The following ABCA10 variants were observed in gnomAD, a reference collection of about 807,000 sequenced individuals.
ABCA10 encodes the protein ATP binding cassette subfamily A member 10.
A neutral mutation model predicts 187.5 loss-of-function variants in ABCA10; 169 were observed. That is an observed-to-expected ratio of 0.90 (90% CI 0.80 to 1.02). ABCA10 has a LOEUF of 1.02. Among genes scored for constraint, ABCA10 ranks in the 50% least tolerant of loss-of-function variants. The probability of loss-of-function intolerance (pLI) is 0.00; values close to 1 mark genes in which losing one functional copy is unlikely to be tolerated. For missense variants in ABCA10, 1,727 were observed against 1,812.4 expected (o/e 0.95, Z 0.86); for synonymous variants, 574 against 601.8 (o/e 0.95, Z 0.68).
chr17:69,152,429 T>A lies in ABCA10; in HGVS notation c.4189A>T (p.Thr1397Ser). ...KNKERGTLLT[T>S]HYMSEAEAVC... ...GCCTCAGCCTCTGACATGTAATGGGTGGTCAAGAGGGTGCCCCTCTCCTTG... is the reference window on the plus strand; with the variant it reads ...GCCTCAGCCTCTGACATGTAATGGGAGGTCAAGAGGGTGCCCCTCTCCTTG... The change falls in exon 35 of 39, where the codon ACC becomes TCC. Residue 1397 changes from threonine to serine, a missense_variant. Coordinates refer to ENST00000690296, the MANE Select transcript of ABCA10 (RefSeq NM_001377321.1). The A allele has an allele frequency of 6.2e-7, 1 of 1,613,908 alleles. No individual in the cohort carries two copies. The highest frequency in any genetic ancestry group is 8.5e-7 in the Non-Finnish European group (1 of 1,179,900).
chr17:69,153,949 A>G lies in ABCA10; in HGVS notation c.3847T>C (p.Leu1283=). The G allele has an allele frequency of 6.2e-7, 1 of 1,614,092 alleles. No individual in the cohort carries two copies. The highest frequency in any genetic ancestry group is 8.5e-7 in the Non-Finnish European group (1 of 1,179,988). The change falls in exon 32 of 39, where the codon TTG becomes CTG. Residue 1283 remains leucine (L), a synonymous_variant. Coordinates refer to ENST00000690296, the MANE Select transcript of ABCA10 (RefSeq NM_001377321.1). ...GAGTTCTCCTGAGGGCAGTACCCCA[A>G]GAACTTGAGGCTGTTGTCATGCTGT... ...RQQHDNSLKF[L]GYCPQENSLW...
At chr17:69,180,225 C>T (rs749832133) in intron 22 of ABCA10, among the ~76,000 whole-genome samples, 1 of 152,160 alleles carries the variant, frequency 6.6e-6, no homozygotes, top group Non-Finnish European at 1.5e-5. Flanking sequence ...AAAGCTGTGC[C>T]ATAATGGTAA....
At position 69,174,378 on chromosome 17, in the gene ABCA10, C is replaced by T. The variant is rs148025226; in HGVS notation, c.3065G>A (p.Gly1022Asp). 264 of 1,595,198 alleles carry T rather than the reference C, an allele frequency of 1.7e-4. No homozygotes were observed. In the African/African-American group the frequency reaches 3.2e-3, roughly 19 times the overall value. The change falls in exon 25 of 39, where the codon GGT becomes GAT. Residue 1022 changes from glycine to aspartate, a missense_variant. Transcript: ENST00000690296. ...GAGGAATATAAGAGAAACTGCACAA[C>T]CAATTATGCATACCACCTGCAAATA... Reference protein sequence around the residue: ...LMFVLVVCIIGCAVSLIFLTY... With the variant: ...LMFVLVVCIIDCAVSLIFLTY...
At position 69,219,779 on chromosome 17, in the gene ABCA10, G is replaced by T; in HGVS notation, c.304-8C>A. ...AGAATGATTTGTTGTGACCTAAATT[G>T]GGACATTAGCAAATTTATTATGTGA... On this transcript the variant is annotated splice_region_variant and splice_polypyrimidine_tract_variant and intron_variant, in intron 5 of 38. Transcript: ENST00000690296. The T allele has an allele frequency of 6.6e-7, 1 of 1,519,606 alleles. No homozygotes were observed. The highest frequency in any genetic ancestry group is 8.9e-7 in the Non-Finnish European group (1 of 1,128,128). The allele number at this position is 1,519,606 out of a possible 1,614,324, so 94.1% of individuals were successfully genotyped here.
At chr17:69,230,927 T>C (rs907083411), upstream of ABCA10, among the ~76,000 whole-genome samples, 1 of 152,158 alleles carries the variant, frequency 6.6e-6, no homozygotes, top group East Asian at 1.9e-4. Context: ...CAATTACATA[T>C]GAGAAAATAT....
upstream of ABCA10, chr17:69,233,293 C>A (rs189150105): frequency 6.6e-6 from 1 of 152,154 alleles, no homozygotes; most frequent in Non-Finnish European, 1.5e-5. Flanking sequence ...TTCCAAACAG[C>A]CTGTCTTTGA....
chr17:69,241,506 T>C (rs1485589007), intron 1 of ABCA10, among the ~76,000 whole-genome samples: 1 of 152,200 alleles, frequency 6.6e-6, no homozygotes, highest in African/African-American at 2.4e-5. Context: ...CAATAAAATG[T>C]CCATAAGGGC....
intron 36 of ABCA10, among the ~76,000 whole-genome samples, chr17:69,150,670 G>A (rs1361059614): frequency 6.6e-6 from 1 of 152,092 alleles, no homozygotes; most frequent in Non-Finnish European, 1.5e-5. Context: ...CTCTAGGCCT[G>A]CACTGCTTAA....
chr17:69,154,057 T>A, intron 31 of ABCA10, 48 bp from the exon 32 acceptor site: 3 of 1,589,580 alleles, frequency 1.9e-6, no homozygotes, highest in Non-Finnish European at 2.6e-6. Context: ...TTTGCTCCAA[T>A]CCCCCTTCTA....
intron 27 of ABCA10, among the ~76,000 whole-genome samples, chr17:69,158,686 A>G (rs2074193014): frequency 6.6e-6 from 1 of 152,090 alleles, no homozygotes; most frequent in Admixed American, 6.5e-5. Flanking sequence ...CTGGCACTTG[A>G]CTGCATTCTA....
In ABCA10 at chr17:69,150,147, T is replaced by C. The variant is rs189264286; in HGVS notation, c.4398-84A>G. ...AATTAATAGGCAAAGTAAAATAATT[T>C]TTCAATGTGTTCTTTAAATAAGTGT... On this transcript the variant is annotated intron_variant, in intron 36 of 38. Coordinates refer to ENST00000690296, the MANE Select transcript of ABCA10 (RefSeq NM_001377321.1). 3,706 of 935,162 alleles carry C rather than the reference T, an allele frequency of 4.0e-3. 14 individuals carry two copies. Among genetic ancestry groups the C allele is most frequent in the Non-Finnish European group, 5.6e-3 (3,378 of 606,060 alleles). The allele number at this position is 935,162 out of a possible 1,614,324, so 57.9% of individuals were successfully genotyped here.
intron 28 of ABCA10, 40 bp from the exon 29 acceptor site, chr17:69,155,965 C>T: frequency 6.3e-7 from 1 of 1,583,998 alleles, no homozygotes; most frequent in Non-Finnish European, 8.6e-7. Flanking sequence ...GCAATTTTGG[C>T]TGTACAACTG....
At chr17:69,157,629 G>A (rs1396687869) in intron 27 of ABCA10, among the ~76,000 whole-genome samples, 1 of 152,136 alleles carries the variant, frequency 6.6e-6, no homozygotes, top group Non-Finnish European at 1.5e-5. Flanking sequence ...CTGTGAACTT[G>A]ACAGAAGCAA....
chr17:69,152,549 G>C lies in ABCA10; in HGVS notation c.4137-68C>G, dbSNP rs866043594. On this transcript the variant is annotated intron_variant, in intron 34 of 38. Coordinates refer to ENST00000690296, the MANE Select transcript of ABCA10 (RefSeq NM_001377321.1). ...TGGGGAAATAGATAAATAGAAAAAA[G>C]CAGGAAATCTAAAGAGAAAATGTTA... 3.3e-6 allele frequency: 5 copies of C among 1,534,554 alleles called. 1 individual carries two copies. In the Middle Eastern group the frequency reaches 7.1e-4, roughly 218 times the overall value.
chr17:69,226,072 G>T lies in ABCA10; in HGVS notation c.-171-543C>A, dbSNP rs556515990. The stretch of plus-strand genomic sequence containing the variant: ...GGGGGAAATTTGGAAAATTGAATTT[G>T]GCCATGGAACTAGATGATATGGAAT... On this transcript the variant is annotated intron_variant, in intron 2 of 38. Coordinates refer to ENST00000690296, the MANE Select transcript of ABCA10 (RefSeq NM_001377321.1). Among the ~76,000 whole-genome samples the T allele has an allele frequency of 6.6e-5, 10 of 152,180 alleles. No homozygotes were observed. In the South Asian group the frequency reaches 2.1e-3, roughly 32 times the overall value.
chr17:69,216,035 T>C lies in ABCA10; in HGVS notation c.673-35A>G, dbSNP rs549028839. On this transcript the variant is annotated intron_variant, in intron 7 of 38. Coordinates refer to ENST00000690296, the MANE Select transcript of ABCA10 (RefSeq NM_001377321.1). ...GAAAGAGGTCTGATTGGTATATTTT[T>C]CCTTGAAGATTCATAAATAGCAATA... 274 of 1,581,916 alleles carry C rather than the reference T, an allele frequency of 1.7e-4. 1 individual carries two copies. The South Asian group carries it at 3.1e-3, about 18-fold the overall frequency.
intron 9 of ABCA10, among the ~76,000 whole-genome samples, 180 bp from the exon 10 acceptor site, chr17:69,201,848 G>A (rs1255163719): frequency 1.3e-5 from 2 of 151,926 alleles, no homozygotes; most frequent in Admixed American, 6.6e-5. Context: ...GCAATGGCAC[G>A]ATCCTGGCTC....
chr17:69,156,341 T>G (rs2074174414), intron 28 of ABCA10, among the ~76,000 whole-genome samples: 1 of 152,216 alleles, frequency 6.6e-6, no homozygotes, highest in Non-Finnish European at 1.5e-5. Context: ...AAAGCAAGCT[T>G]TGATGCTTAA....
At chr17:69,220,691 G>A (rs1275497914) in intron 5 of ABCA10, among the ~76,000 whole-genome samples, 1 of 152,192 alleles carries the variant, frequency 6.6e-6, no homozygotes, top group African/African-American at 2.4e-5. Flanking sequence ...GAGGTATCCA[G>A]CACACAGTCA....
Sources: allele counts gnomAD v4.1 joint callset (sites outside exome capture counted in the v4.1 genomes callset), GRCh38; gene constraint gnomAD v4.1.1; transcripts MANE v1.5; gene names NCBI Gene and HGNC (gene_info 2026-07-23, HGNC 2026-07-21).